PCDHGA2: variants seen among roughly 807,000 people sequenced by gnomAD.
PCDHGA2 encodes protocadherin gamma subfamily A, 2, also known as protocadherin gamma-A2.
PCDHGA2 carries 40 observed loss-of-function variants against 59.2 expected under a neutral mutation model. The observed-to-expected ratio is 0.68, with a 90% CI of 0.52 to 0.88. The LOEUF (loss-of-function observed/expected upper bound fraction) is 0.88, where lower values mean the gene tolerates loss of function less well. Ranked by LOEUF, PCDHGA2 falls within the 40% of genes least tolerant of loss-of-function variation. The pLI, the probability that PCDHGA2 is intolerant of heterozygous loss-of-function variation, is 0.00. For missense variants in PCDHGA2, 1,226 were observed against 1,204.0 expected (o/e 1.02, Z -0.27); for synonymous variants, 560 against 526.0 (o/e 1.06, Z -0.89).
chr5:141,356,134 T>C (rs767798294), intron 1 of PCDHGA2: 9 of 1,613,788 alleles, frequency 5.6e-6, no homozygotes, highest in Non-Finnish European at 7.6e-6. Context: ...TTATGAGGAC[T>C]CTGGATTCTA....
At chr5:141,351,348 C>G (rs200422536) in intron 1 of PCDHGA2, 4 of 1,613,196 alleles carry the variant, frequency 2.5e-6, no homozygotes, top group African/African-American at 1.3e-5. Flanking sequence ...ACTGTAATAG[C>G]CCTCATAAAA....
At chr5:141,501,510 T>A (rs11744379) in intron 2 of PCDHGA2, among the ~76,000 whole-genome samples, 1 of 151,824 alleles carries the variant, frequency 6.6e-6, no homozygotes, top group African/African-American at 2.4e-5. Flanking sequence ...CTCCAAGGCC[T>A]CCAAGCTGAA....
chr5:141,466,020 G>A (rs973577698), intron 1 of PCDHGA2, among the ~76,000 whole-genome samples: 2 of 151,974 alleles, frequency 1.3e-5, no homozygotes, highest in South Asian at 4.1e-4. Context: ...TACTCGGGAG[G>A]GTGAGGCAGG....
chr5:141,460,791 C>A (rs2098997892), intron 1 of PCDHGA2, among the ~76,000 whole-genome samples: 1 of 151,666 alleles, frequency 6.6e-6, no homozygotes, highest in Non-Finnish European at 1.5e-5. Context: ...TATATACACA[C>A]AAAGTATATA....
rs373553221 is a variant in PCDHGA2, at chr5:141,361,821, G to A, written c.2424+20426G>A. The A allele has an allele frequency of 7.4e-6, 12 of 1,613,026 alleles. No individual in the cohort carries two copies. The African/African-American group carries it at 1.6e-4, about 21-fold the overall frequency. On this transcript the variant is annotated intron_variant, in intron 1 of 3. Transcript: ENST00000394576. ...ACCTCAATGACAATGCGCCACGGGT[G>A]CTGTACCCCGCGCTGGGGCCTGATG...
At position 141,490,649 on chromosome 5, in the gene PCDHGA2, G is replaced by C. The variant is rs1428223995; in HGVS notation, c.2425-4158G>C. 1 of 1,614,148 alleles carries C rather than the reference G, an allele frequency of 6.2e-7. No homozygotes were observed. Among genetic ancestry groups the C allele is most frequent in the Admixed American group, 1.7e-5 (1 of 60,018 alleles). On this transcript the variant is annotated intron_variant, in intron 1 of 3. Coordinates refer to ENST00000394576, the MANE Select transcript of PCDHGA2 (RefSeq NM_018915.4). The surrounding 1 kb of genome is among the most constrained non-coding windows in gnomAD (Gnocchi z 5.4). ...TACATCCTAGAAAACCGGCCTCCGG[G>C]CTCCCTTCTTTGCACTGTGGCTGCC...
rs199552905 is a variant in PCDHGA2 at position 141,423,400 on chromosome 5, C to A, written c.2425-71407C>A. On this transcript the variant is annotated intron_variant, in intron 1 of 3. Transcript: ENST00000394576. Reference sequence around the variant, plus strand: ...GCTGTGGCGCTGGCATAAGTCACGCCTGCTGCAGGCTTCTGAAGGCGGGTT... The same window carrying A: ...GCTGTGGCGCTGGCATAAGTCACGCATGCTGCAGGCTTCTGAAGGCGGGTT... 62 of 1,614,152 alleles carry A rather than the reference C, an allele frequency of 3.8e-5. No homozygotes were observed. The African/African-American group carries it at 6.9e-4, about 18-fold the overall frequency.
chr5:141,356,291 C>T, intron 1 of PCDHGA2: 1 of 1,555,506 alleles, frequency 6.4e-7, no homozygotes, highest in South Asian at 1.2e-5. Flanking sequence ...TCCCCGGGTA[C>T]AGTAATTGCA....
chr5:141,455,919 A>T, intron 1 of PCDHGA2, among the ~76,000 whole-genome samples: 1 of 145,568 alleles, frequency 6.9e-6, no homozygotes, highest in Non-Finnish European at 1.5e-5. Context: ...TTATTTTGAG[A>T]CGGAGTCTCG....
intron 1 of PCDHGA2, chr5:141,379,058 G>A (rs533303980): frequency 1.3e-5 from 2 of 152,256 alleles, no homozygotes; most frequent in South Asian, 2.1e-4. Context: ...AGAATGGATT[G>A]GCCACTTGTG....
chr5:141,497,084 G>A (rs1417389801), intron 2 of PCDHGA2, among the ~76,000 whole-genome samples: 1 of 152,098 alleles, frequency 6.6e-6, no homozygotes, highest in East Asian at 1.9e-4. Context: ...AGCGACTTAG[G>A]AGGCTGAGGC....
chr5:141,435,922 G>A (rs1312886163), intron 1 of PCDHGA2, among the ~76,000 whole-genome samples: 1 of 152,070 alleles, frequency 6.6e-6, no homozygotes, highest in Non-Finnish European at 1.5e-5. Context: ...TCTAAAATGC[G>A]GCAGTTGCTG....
At chr5:141,503,384 C>G (rs898225633) in intron 2 of PCDHGA2, among the ~76,000 whole-genome samples, 1 of 151,906 alleles carries the variant, frequency 6.6e-6, no homozygotes, top group Non-Finnish European at 1.5e-5. Flanking sequence ...ATCATGAGGT[C>G]AGGAGTTCGA....
At position 141,511,108 on chromosome 5, in the gene PCDHGA2, G is replaced by A; in HGVS notation, c.2734G>A (p.Asp912Asn). The A allele has an allele frequency of 6.2e-7, 1 of 1,614,244 alleles. No homozygotes were observed. The highest frequency in any genetic ancestry group is 2.2e-5 in the East Asian group (1 of 44,882). Residue 912 changes from aspartate (D) to asparagine (N), a missense_variant, in exon 4 of 4, where the codon GAT (aspartate) becomes AAT (asparagine). Physicochemically the swap from Asp to Asn is conservative, Grantham distance 23. Coordinates refer to ENST00000394576, the MANE Select transcript of PCDHGA2 (RefSeq NM_018915.4). ...ATLTNAAGKR[D>N]GKAPAGGNGN... Reference sequence around the variant, plus strand: ...ACTGACCAACGCAGCTGGCAAGCGGGATGGCAAGGCCCCAGCAGGTGGCAA... The same window carrying A: ...ACTGACCAACGCAGCTGGCAAGCGGAATGGCAAGGCCCCAGCAGGTGGCAA...
At chr5:141,417,993 C>A in intron 1 of PCDHGA2, 1 of 1,613,830 alleles carries the variant, frequency 6.2e-7, no homozygotes, top group Non-Finnish European at 8.5e-7. Flanking sequence ...GCCAAGGGCT[C>A]GGTGGTGGGG....
In PCDHGA2 at chr5:141,486,709, C is replaced by G. The variant is rs1485764871; in HGVS notation, c.2425-8098C>G. ...CTTCCTCTTTCATCTCTCTGAACCC[C>G]CAGACAGGAGCTGTTCATGCTACTC... On this transcript the variant is annotated intron_variant, in intron 1 of 3. Coordinates refer to ENST00000394576, the MANE Select transcript of PCDHGA2 (RefSeq NM_018915.4). The surrounding 1 kb of genome is among the most constrained non-coding windows in gnomAD (Gnocchi z 5.0). 1 of 1,614,182 alleles carries G rather than the reference C, an allele frequency of 6.2e-7. No individual in the cohort carries two copies. Among genetic ancestry groups the G allele is most frequent in the Middle Eastern group, 1.6e-4 (1 of 6,062 alleles).
rs1047101891 is a variant in PCDHGA2 at position 141,355,001 on chromosome 5, G to A, written c.2424+13606G>A. On this transcript the variant is annotated intron_variant, in intron 1 of 3. Coordinates refer to ENST00000394576, the MANE Select transcript of PCDHGA2 (RefSeq NM_018915.4). ...CGCTGTTCACCAATCAGGGGGAAAA[G>A]ACAAACCAGAAATTTAATCAGAATC... 2.8e-5 allele frequency: 21 copies of A among 754,922 alleles called. No homozygotes were observed. The African/African-American group carries it at 3.4e-4, about 12-fold the overall frequency. 46.8% of individuals were successfully genotyped at this position (754,922 alleles called of 1,614,324 possible). A position where few individuals can be genotyped will look rare whatever the true frequency, so the allele number is the denominator to read the frequency against.
chr5:141,489,220 C>G lies in PCDHGA2; in HGVS notation c.2425-5587C>G. The G allele has an allele frequency of 6.6e-7, 1 of 1,508,698 alleles. No individual in the cohort carries two copies. Among genetic ancestry groups the G allele is most frequent in the South Asian group, 1.3e-5 (1 of 75,604 alleles). The allele number at this position is 1,508,698 out of a possible 1,614,324, so 93.5% of individuals were successfully genotyped here. A position where few individuals can be genotyped will look rare whatever the true frequency, so the allele number is the denominator to read the frequency against. ...AGACAGGACAGCACAGACTTACTCT[C>G]CACAAAGGGACTTCTGGGTCATGGG... On this transcript the variant is annotated intron_variant, in intron 1 of 3. Transcript: ENST00000394576. The surrounding 1 kb of genome is among the most constrained non-coding windows in gnomAD (Gnocchi z 4.5).
At chr5:141,375,183 C>T (rs773640182) in intron 1 of PCDHGA2, 12 of 1,613,848 alleles carry the variant, frequency 7.4e-6, no homozygotes, top group Admixed American at 1.7e-5. Flanking sequence ...ACAGTAATCG[C>T]CCTTTTTCAA....
Sources: allele counts gnomAD v4.1 joint callset (sites outside exome capture counted in the v4.1 genomes callset), GRCh38; gene constraint gnomAD v4.1.1; non-coding constraint Gnocchi (gnomAD v3.1); transcripts MANE v1.5; gene names NCBI Gene and HGNC (gene_info 2026-07-23, HGNC 2026-07-21).